EPHA6: variants seen among roughly 807,000 people sequenced by gnomAD.
EPHA6 encodes ephrin type-A receptor 6.
A neutral mutation model predicts 112.0 loss-of-function variants in EPHA6; 50 were observed. The ratio of observed to expected loss-of-function variants is 0.45; its 90% confidence interval spans 0.36 to 0.56. The LOEUF is 0.56. Ranked by LOEUF, EPHA6 falls within the 20% of genes least tolerant of loss-of-function variation. The pLI is 0.00. For missense variants in EPHA6, 1,280 were observed against 1,417.4 expected (o/e 0.90, Z 1.56); for synonymous variants, 529 against 490.7 (o/e 1.08, Z -1.03).
rs544059750 is a variant in EPHA6, at chr3:97,391,735, G to A, written c.1607-13415G>A. Among the ~76,000 whole-genome samples, 6 of 151,952 alleles carry A rather than the reference G, an allele frequency of 3.9e-5. No individual in the cohort carries two copies. The East Asian group carries it at 1.2e-3, about 29-fold the overall frequency. On this transcript the variant is annotated intron_variant, in intron 5 of 17. Transcript: ENST00000389672. ...GCCAATTCCATCTGAAGTTATCAAA[G>A]AAGCCTTAAGCTAGTCTGGTGTTCT...
At chr3:97,384,704 T>A (rs959004523) in intron 5 of EPHA6, among the ~76,000 whole-genome samples, 2 of 152,126 alleles carry the variant, frequency 1.3e-5, no homozygotes, top group African/African-American at 4.8e-5. Context: ...AATATGGTAA[T>A]TTTTTTATTT....
intron 3 of EPHA6, among the ~76,000 whole-genome samples, chr3:97,004,414 A>C (rs780098839): frequency 3.3e-5 from 5 of 152,046 alleles, no homozygotes; most frequent in Non-Finnish European, 7.4e-5. Context: ...GCTTTTTTTC[A>C]TATTTTTATT....
At chr3:97,363,968 CAG>C (rs1191683335) in intron 5 of EPHA6, among the ~76,000 whole-genome samples, 2 of 151,872 alleles carry the variant, frequency 1.3e-5, no homozygotes, top group African/African-American at 2.4e-5. Flanking sequence ...TTCATAAAGA[CAG>C]AAAGTAGAAT....
chr3:96,997,836 G>A (rs1186124103), intron 3 of EPHA6, among the ~76,000 whole-genome samples: 7 of 151,908 alleles, frequency 4.6e-5, no homozygotes, highest in Non-Finnish European at 1.0e-4. Flanking sequence ...TGGAAAAATG[G>A]CACCAATAGC....
chr3:97,372,241 T>A (rs548396785), intron 5 of EPHA6, among the ~76,000 whole-genome samples: 1 of 152,138 alleles, frequency 6.6e-6, no homozygotes, highest in East Asian at 1.9e-4. Context: ...AAAATTTTTC[T>A]CTTTTGTACC....
At chr3:97,624,308 T>C (rs1165066001) in intron 13 of EPHA6, among the ~76,000 whole-genome samples, 1 of 151,638 alleles carries the variant, frequency 6.6e-6, no homozygotes, top group Admixed American at 6.6e-5. Context: ...TGTGGAGATC[T>C]TCCCCCTTCA....
In EPHA6 at chr3:97,569,206, T is replaced by C. The variant is rs191097562; in HGVS notation, c.2387-23406T>C. Among the ~76,000 whole-genome samples the C allele has an allele frequency of 1.8e-3, 272 of 152,306 alleles. 1 individual carries two copies. Among genetic ancestry groups the C allele is most frequent in the South Asian group, 4.6e-3 (22 of 4,826 alleles). ...ACTGTGTTGCTATTATTATTTTATA[T>C]GCATTTGTCTTCCCAAGTACACATA... On this transcript the variant is annotated intron_variant, in intron 11 of 17. Coordinates refer to ENST00000389672, the MANE Select transcript of EPHA6 (RefSeq NM_001080448.3).
chr3:97,635,327 G>T (rs1181595115), intron 13 of EPHA6, among the ~76,000 whole-genome samples: 1 of 152,040 alleles, frequency 6.6e-6, no homozygotes, highest in African/African-American at 2.4e-5. Flanking sequence ...AATGAAAGCA[G>T]TTAATCTAAA....
chr3:97,031,110 G>A lies in EPHA6; in HGVS notation c.1114+43117G>A, dbSNP rs570644762. On this transcript the variant is annotated intron_variant, in intron 3 of 17. Coordinates refer to ENST00000389672, the MANE Select transcript of EPHA6 (RefSeq NM_001080448.3). Reference sequence around the variant, plus strand: ...TACCAAAACAGAGATATAGGCCAATGGAATAGAACAGAGCCCTGAGAAATA... The same window carrying A: ...TACCAAAACAGAGATATAGGCCAATAGAATAGAACAGAGCCCTGAGAAATA... Among the ~76,000 whole-genome samples the A allele has an allele frequency of 7.2e-5, 11 of 152,102 alleles. No homozygotes were observed. The South Asian group carries it at 2.3e-3, about 32-fold the overall frequency.
intron 12 of EPHA6, among the ~76,000 whole-genome samples, chr3:97,595,992 G>T (rs1016818602): frequency 7.1e-6 from 1 of 141,600 alleles, no homozygotes; most frequent in Non-Finnish European, 1.5e-5. Context: ...TGCAAGCTTC[G>T]CCTCCCGGGT....
At chr3:97,436,975 C>T (rs2089878188) in intron 6 of EPHA6, among the ~76,000 whole-genome samples, 1 of 151,966 alleles carries the variant, frequency 6.6e-6, no homozygotes, top group Non-Finnish European at 1.5e-5. Context: ...CACACGTGGC[C>T]CAGGACGGCT....
intron 3 of EPHA6, among the ~76,000 whole-genome samples, chr3:97,129,546 A>C (rs1204419419): frequency 2.0e-5 from 3 of 151,996 alleles, no homozygotes; most frequent in Non-Finnish European, 4.4e-5. Context: ...AAAAAAGTAC[A>C]GTGGTAAATT....
At chr3:97,592,909 G>A (rs1268881917) in intron 12 of EPHA6, among the ~76,000 whole-genome samples, 172 bp downstream of exon 12, 5 of 152,146 alleles carry the variant, frequency 3.3e-5, no homozygotes, top group African/African-American at 1.2e-4. Flanking sequence ...CTGTCAAAAT[G>A]GCACAAAGGA....
At chr3:97,171,907 A>G (rs560438650) in intron 3 of EPHA6, among the ~76,000 whole-genome samples, 5 of 152,104 alleles carry the variant, frequency 3.3e-5, no homozygotes, top group Admixed American at 6.6e-5. Flanking sequence ...TTACTGAAGA[A>G]GAACAATAAG....
At chr3:97,069,245 A>G (rs1420051540) in intron 3 of EPHA6, among the ~76,000 whole-genome samples, 2 of 152,148 alleles carry the variant, frequency 1.3e-5, no homozygotes, top group South Asian at 2.1e-4. Context: ...AGAAAAGACA[A>G]TGTTATTAAG....
At chr3:97,664,053 T>G (rs2094188907) in intron 14 of EPHA6, among the ~76,000 whole-genome samples, 1 of 152,210 alleles carries the variant, frequency 6.6e-6, no homozygotes, top group Non-Finnish European at 1.5e-5. Context: ...GGTGTCTCAT[T>G]GTGGTTTTGA....
chr3:96,877,706 T>C, intron 2 of EPHA6, among the ~76,000 whole-genome samples: 1 of 147,544 alleles, frequency 6.8e-6, no homozygotes, highest in South Asian at 2.2e-4. Context: ...TAATGTACCA[T>C]AGTCAGCAAA....
intron 3 of EPHA6, among the ~76,000 whole-genome samples, chr3:97,165,305 T>C (rs2076514633): frequency 6.6e-6 from 1 of 152,142 alleles, no homozygotes; most frequent in Non-Finnish European, 1.5e-5. Flanking sequence ...TAAATTCCAC[T>C]TCAGGGACTT....
At chr3:97,741,502 A>C (rs2035504063) in intron 16 of EPHA6, among the ~76,000 whole-genome samples, 1 of 152,150 alleles carries the variant, frequency 6.6e-6, no homozygotes, top group Non-Finnish European at 1.5e-5. Flanking sequence ...TTGAGAGCCT[A>C]CTATGTGCCA....
Sources: gnomAD v4.1 joint callset for allele counts (sites outside exome capture counted in the v4.1 genomes callset) on GRCh38, gnomAD v4.1.1 for gene constraint, MANE v1.5 for transcripts, NCBI Gene and HGNC (gene_info 2026-07-23, HGNC 2026-07-21) for gene names.